The following HELLS variants were observed in gnomAD, a reference collection of about 807,000 sequenced individuals.
HELLS encodes the protein lymphoid-specific helicase.
In HELLS, 32 loss-of-function variants were observed where a neutral mutation model predicts 120.0. The ratio of observed to expected loss-of-function variants is 0.27; its 90% CI spans 0.20 to 0.36. The LOEUF (loss-of-function observed/expected upper bound fraction) is 0.36, where lower values mean the gene tolerates loss of function less well. Ranked by LOEUF, HELLS falls within the 10% of genes least tolerant of loss-of-function variation. The pLI is 1.00. For synonymous variants in HELLS, 341 were observed against 323.4 expected (o/e 1.05, Z -0.58); for missense variants, 650 against 993.4 (o/e 0.65, Z 4.65).
Position 94,574,679 on chromosome 10 carries a change from T to C in HELLS, c.831T>C (p.Cys277=). ...GAGTACCAGGACCTTTTCTTGTCTG[T>C]GGCCCTTTGTCTACACTTCCTAACT... ...QRGVPGPFLV[C]GPLSTLPNWM... Residue 277 remains cysteine (C), a synonymous_variant, in exon 9 of 22, where the codon TGT becomes TGC. Transcript: ENST00000348459. 1 of 1,613,940 alleles carries C rather than the reference T, an allele frequency of 6.2e-7. No homozygotes were observed.
chr10:94,554,328 T>A, intron 3 of HELLS, 80 bp downstream of exon 3: 1 of 1,010,198 alleles, frequency 9.9e-7, no homozygotes, highest in African/African-American at 1.7e-5. Context: ...TTATATACAG[T>A]AAAATGGACA....
chr10:94,550,326 T>A (rs927190538), intron 2 of HELLS, among the ~76,000 whole-genome samples: 1 of 152,080 alleles, frequency 6.6e-6, no homozygotes, highest in Admixed American at 6.5e-5. Flanking sequence ...TCACCCAGGC[T>A]GGAGTGCAGT....
chr10:94,608,169 T>G (rs1318523662), intron 9 of HELLS: 3 of 156,744 alleles, frequency 1.9e-5, no homozygotes, highest in Non-Finnish European at 4.3e-5. Flanking sequence ...AGAATATGTT[T>G]ATAAATTTAT....
chr10:94,608,478 A>G (rs1338528285), intron 9 of HELLS, among the ~76,000 whole-genome samples: 4 of 152,166 alleles, frequency 2.6e-5, no homozygotes, highest in Non-Finnish European at 4.4e-5. Flanking sequence ...GGACATTTTT[A>G]AAATAATATA....
At chr10:94,575,664 G>A (rs947340992) in intron 9 of HELLS, among the ~76,000 whole-genome samples, 2 of 150,856 alleles carry the variant, frequency 1.3e-5, no homozygotes, top group Non-Finnish European at 3.0e-5. Context: ...CTTGTGATCC[G>A]CCCACCTTGG....
chr10:94,582,703 G>C (rs548504130), intron 11 of HELLS, among the ~76,000 whole-genome samples: 1 of 151,998 alleles, frequency 6.6e-6, no homozygotes, highest in East Asian at 1.9e-4. Context: ...TTATACTACT[G>C]TACAATTGTT....
At chr10:94,550,374 G>A (rs1402918481) in intron 2 of HELLS, among the ~76,000 whole-genome samples, 7 of 152,014 alleles carry the variant, frequency 4.6e-5, no homozygotes, top group East Asian at 1.9e-4. Context: ...CACCTGCCGG[G>A]TTTAAGCGAT....
intron 4 of HELLS, among the ~76,000 whole-genome samples, chr10:94,560,365 T>G (rs1223680172): frequency 1.3e-5 from 2 of 152,178 alleles, no homozygotes; most frequent in Non-Finnish European, 2.9e-5. Context: ...GATAAAGTAT[T>G]TTGCAGACTG....
intron 4 of HELLS, among the ~76,000 whole-genome samples, chr10:94,559,277 T>C (rs1330288683): frequency 6.6e-6 from 1 of 152,086 alleles, no homozygotes; most frequent in Non-Finnish European, 1.5e-5. Flanking sequence ...TTCATGGTGA[T>C]TTTGCTGTTA....
intron 6 of HELLS, among the ~76,000 whole-genome samples, chr10:94,568,630 C>T (rs548195912): frequency 5.3e-5 from 8 of 152,278 alleles, no homozygotes; most frequent in African/African-American, 1.7e-4. Flanking sequence ...TATAATTACT[C>T]ATAACCTCCA....
At chr10:94,584,039 GA>G (rs1412230078) in intron 12 of HELLS, 3 of 1,057,798 alleles carry the variant, frequency 2.8e-6, no homozygotes, top group South Asian at 3.0e-5. Context: ...GGGCTTCTTT[GA>G]AGGCAAATTG....
At chr10:94,570,485 C>T (rs1364671317) in intron 6 of HELLS, 1 of 151,946 alleles carries the variant, frequency 6.6e-6, no homozygotes, top group African/African-American at 2.4e-5. Context: ...GTGTGTGTGT[C>T]AGCCACTTAC....
intron 10 of HELLS, among the ~76,000 whole-genome samples, chr10:94,579,912 C>G (rs1160932461): frequency 6.6e-6 from 1 of 151,760 alleles, no homozygotes; most frequent in African/African-American, 2.4e-5. Context: ...TTGCCAGTGG[C>G]TAGAAACTTT....
At chr10:94,568,752 T>G (rs990898862) in intron 6 of HELLS, among the ~76,000 whole-genome samples, 2 of 152,160 alleles carry the variant, frequency 1.3e-5, no homozygotes, top group African/African-American at 4.8e-5. Flanking sequence ...CACTAACATT[T>G]TGGTATATGT....
At chr10:94,595,817 A>G (rs1306222349) in intron 19 of HELLS, among the ~76,000 whole-genome samples, 1 of 152,230 alleles carries the variant, frequency 6.6e-6, no homozygotes, top group East Asian at 1.9e-4. Context: ...AAATGGGAAC[A>G]TGATAATGTT....
intron 10 of HELLS, among the ~76,000 whole-genome samples, chr10:94,578,226 T>A (rs1490183817): frequency 6.6e-6 from 1 of 151,954 alleles, no homozygotes; most frequent in Non-Finnish European, 1.5e-5. Flanking sequence ...AGTGAGAGTC[T>A]GTCTCAAAAA....
chr10:94,547,971 T>C (rs1842816211), intron 2 of HELLS, among the ~76,000 whole-genome samples: 1 of 152,234 alleles, frequency 6.6e-6, no homozygotes, highest in African/African-American at 2.4e-5. Flanking sequence ...TCAGGGTAGA[T>C]GTGAATTAAC....
intron 6 of HELLS, among the ~76,000 whole-genome samples, chr10:94,566,999 A>G (rs1392512523): frequency 1.3e-5 from 2 of 152,050 alleles, no homozygotes; most frequent in East Asian, 3.9e-4. Context: ...TTTCTTCTGT[A>G]TATTTACTGA....
At chr10:94,572,573 C>T (rs949344131) in intron 7 of HELLS, among the ~76,000 whole-genome samples, 1 of 152,152 alleles carries the variant, frequency 6.6e-6, no homozygotes, top group Non-Finnish European at 1.5e-5. Context: ...TCTCATCCAT[C>T]CCCTTATTGA....
Sources: allele counts gnomAD v4.1 joint callset (sites outside exome capture counted in the v4.1 genomes callset), GRCh38; gene constraint gnomAD v4.1.1; transcripts MANE v1.5; gene names NCBI Gene and HGNC (gene_info 2026-07-23, HGNC 2026-07-21).